Variants in PELP1 observed in about 807,000 individuals in gnomAD.
PELP1 encodes the protein proline-, glutamic acid- and leucine-rich protein 1.
PELP1 carries 32 observed loss-of-function variants against 95.5 expected under a neutral mutation model. That is an observed-to-expected ratio of 0.34 (90% CI 0.25 to 0.45). The LOEUF (loss-of-function observed/expected upper bound fraction) is 0.45, where lower values mean the gene tolerates loss of function less well. Among genes scored for constraint, PELP1 ranks in the 20% least tolerant of loss-of-function variants. The probability of loss-of-function intolerance (pLI) is 1.00; values close to 1 mark genes in which losing one functional copy is unlikely to be tolerated. For missense variants in PELP1, 1,358 were observed against 1,444.8 expected, an observed-to-expected ratio of 0.94 and a Z score of 0.97; for synonymous variants, 668 against 600.1, an observed-to-expected ratio of 1.11 and a Z score of -1.65.
Position 4,673,022 on chromosome 17 carries a change from G to A in PELP1, c.1969C>T (p.Pro657Ser). Residue 657 changes from proline to serine, a missense_variant, in exon 16 of 17, where the codon CCA (proline) becomes TCA (serine). Coordinates refer to ENST00000572293, the MANE Select transcript of PELP1 (RefSeq NM_014389.3). The surrounding 1 kb of genome is among the most constrained non-coding windows in gnomAD (Gnocchi z 5.7). Reference protein sequence around the residue: ...TPAPVPPPEAPSPFRAPPFHP... With the variant: ...TPAPVPPPEASSPFRAPPFHP... The stretch of plus-strand genomic sequence containing the variant: ...AACGGTGGGGCCCTGAAGGGCGATG[G>A]GGCCTCAGGAGGGGGAACTGGAGCA... The A allele has an allele frequency of 6.5e-7, 1 of 1,536,424 alleles. No individual in the cohort carries two copies. Among genetic ancestry groups the A allele is most frequent in the Non-Finnish European group, 8.7e-7 (1 of 1,144,718 alleles).
At chr17:4,684,547 T>C (rs1219991700) in intron 3 of PELP1, among the ~76,000 whole-genome samples, 1 of 152,180 alleles carries the variant, frequency 6.6e-6, no homozygotes, top group African/African-American at 2.4e-5. Flanking sequence ...GTGCTTTCAA[T>C]ACTATCTTCC....
At position 4,675,359 on chromosome 17, in the gene PELP1, A is replaced by G. The variant is rs1391832650; in HGVS notation, c.1072T>C (p.Leu358=). 2 of 1,519,392 alleles carry G rather than the reference A, an allele frequency of 1.3e-6. No homozygotes were observed. Among genetic ancestry groups the G allele is most frequent in the South Asian group, 2.4e-5 (2 of 83,450 alleles). The allele number at this position is 1,519,392 out of a possible 1,614,324, so 94.1% of individuals were successfully genotyped here. ...TLSVSSKNIS[L]HGDGPLRLLL... ...AGCCGCAGGGGACCATCTCCATGCA[A>G]GCTCTGGAGAAAAAAGGGGCAGAGA... Residue 358 remains leucine (L), a synonymous_variant, in exon 10 of 17, where the codon TTG becomes CTG. Transcript: ENST00000572293. The surrounding 1 kb of genome is among the most constrained non-coding windows in gnomAD (Gnocchi z 4.3).
At position 4,672,306 on chromosome 17, in the gene PELP1, T is replaced by TTCTTCC. The variant is rs1225130908; in HGVS notation, c.2679_2684dup (p.Glu907_Glu908dup). 1.1e-5 allele frequency: 17 copies of TTCTTCC among 1,538,822 alleles called. No homozygotes were observed. The highest frequency in any genetic ancestry group is 1.4e-5 in the Non-Finnish European group (16 of 1,136,984). The stretch of plus-strand genomic sequence containing the variant: ...CTTCTTCCTCTTCTTCTTCTTCCTC[T>TTCTTCC]TCTTCCTCTTCCTCCTCCTCTTCAT... On this transcript the variant is annotated inframe_insertion, in exon 16 of 17. Transcript: ENST00000572293.
intron 5 of PELP1, among the ~76,000 whole-genome samples, chr17:4,677,667 G>C (rs897181691): frequency 6.6e-6 from 1 of 152,156 alleles, no homozygotes; most frequent in African/African-American, 2.4e-5. Context: ...AGTAGCTCAC[G>C]CCTGTAATCC....
rs184886559 is a variant in PELP1, at chr17:4,671,587, A to G, written c.3301-56T>C. 1.4e-5 allele frequency: 23 copies of G among 1,609,592 alleles called. No homozygotes were observed. In the Admixed American group the frequency reaches 3.4e-4, roughly 24 times the overall value. ...TAGTCACACACACATACACAGAAGA[A>G]TGGTTCAGGCTGGGCAAACCTCTCC... On this transcript the variant is annotated intron_variant, in intron 16 of 16. Transcript: ENST00000572293.
At position 4,671,840 on chromosome 17, in the gene PELP1, G is replaced by C. The variant is rs751105189; in HGVS notation, c.3151C>G (p.Gln1051Glu). ...GESPAAGPPP[Q>E]ELVEEEPSAP... ...GAGGGCTCTTCTTCAACAAGCTCCT[G>C]GGGAGGGGGCCCTGCCGCAGGGCTT... Residue 1051 changes from glutamine to glutamate, a missense_variant, in exon 16 of 17, where the codon CAG (glutamine) becomes GAG (glutamate). By Grantham distance (29) the Gln-to-Glu change is conservative (BLOSUM62 2). This residue lies in a region of PELP1 where 283 missense variants were observed against 284.1 expected (regional missense o/e 1.00). Coordinates refer to ENST00000572293, the MANE Select transcript of PELP1 (RefSeq NM_014389.3). 4.6e-6 allele frequency: 7 copies of C among 1,513,158 alleles called. No individual in the cohort carries two copies. The highest frequency in any genetic ancestry group is 6.2e-6 in the Non-Finnish European group (7 of 1,135,150). 93.7% of individuals were successfully genotyped at this position (1,513,158 alleles called of 1,614,324 possible).
chr17:4,683,426 T>C (rs1476694307), intron 3 of PELP1, among the ~76,000 whole-genome samples: 24 of 151,624 alleles, frequency 1.6e-4, no homozygotes, highest in Admixed American at 5.2e-4. Flanking sequence ...TTCACTATGT[T>C]AGCCAGGATG....
At chr17:4,700,992 T>TAAA (rs34278447) in intron 1 of PELP1, among the ~76,000 whole-genome samples, 26 of 29,434 alleles carry the variant, frequency 8.8e-4, no homozygotes, top group Non-Finnish European at 1.1e-3. Context: ...AAAGTTCCAC[T>TAAA]AAAAAAAAAA....
Position 4,672,540 on chromosome 17 carries a change from T to C in PELP1, c.2451A>G (p.Pro817=), listed in dbSNP as rs761196966. Residue 817 remains proline (P), a synonymous_variant, in exon 16 of 17, where the codon CCA becomes CCG. Transcript: ENST00000572293. Reference sequence around the variant, plus strand: ...TCGCTGGCACAGGAGGGGAGGCTGTTGGTGGCCCAGTGGGGGCTATAGGGG... The same window carrying C: ...TCGCTGGCACAGGAGGGGAGGCTGTCGGTGGCCCAGTGGGGGCTATAGGGG... The part of the protein sequence containing the change: ...TPPPIAPTGP[P]TASPPVPAKE... The C allele has an allele frequency of 2.6e-5, 31 of 1,189,376 alleles. No homozygotes were observed. The highest frequency in any genetic ancestry group is 3.2e-5 in the Non-Finnish European group (30 of 938,402). 73.7% of individuals were successfully genotyped at this position (1,189,376 alleles called of 1,614,324 possible). A position where few individuals can be genotyped will look rare whatever the true frequency, so the allele number is the denominator to read the frequency against.
chr17:4,693,795 G>T (rs1420642969), intron 1 of PELP1, among the ~76,000 whole-genome samples: 1 of 152,150 alleles, frequency 6.6e-6, no homozygotes, highest in Non-Finnish European at 1.5e-5. Flanking sequence ...CTTATTTCTG[G>T]AATTTTCCAC....
intron 1 of PELP1, among the ~76,000 whole-genome samples, chr17:4,703,166 C>A (rs967533006): frequency 2.0e-5 from 3 of 152,182 alleles, no homozygotes; most frequent in Non-Finnish European, 2.9e-5. Flanking sequence ...TCTCACCAGT[C>A]TCATCTGTAC....
chr17:4,685,806 CA>C (rs1360105069), intron 3 of PELP1, among the ~76,000 whole-genome samples: 2 of 26,048 alleles, frequency 7.7e-5, no homozygotes, highest in Non-Finnish European at 1.9e-4. Flanking sequence ...AAAAAAAGAA[CA>C]AAAAAAGGGC....
At chr17:4,693,763 G>A (rs541293103) in intron 1 of PELP1, among the ~76,000 whole-genome samples, 8 of 152,276 alleles carry the variant, frequency 5.3e-5, no homozygotes, top group South Asian at 2.1e-4. Flanking sequence ...AGAATGGCAC[G>A]TAATTTAAAA....
At chr17:4,683,296 C>T (rs1455150019) in intron 3 of PELP1, among the ~76,000 whole-genome samples, 2 of 151,320 alleles carry the variant, frequency 1.3e-5, no homozygotes, top group Non-Finnish European at 2.9e-5. Flanking sequence ...TCTCGGCTCA[C>T]TGCAAGCTCC....
intron 1 of PELP1, among the ~76,000 whole-genome samples, chr17:4,701,498 G>A (rs575431990): frequency 1.6e-4 from 24 of 152,336 alleles, no homozygotes; most frequent in African/African-American, 5.5e-4. Flanking sequence ...CAGAGGGCAA[G>A]ACTGAAGGTA....
chr17:4,703,922 G>C lies in PELP1; in HGVS notation c.190C>G (p.Pro64Ala). 1 of 1,613,544 alleles carries C rather than the reference G, an allele frequency of 6.2e-7. No individual in the cohort carries two copies. The highest frequency in any genetic ancestry group is 1.1e-5 in the South Asian group (1 of 91,086). The change falls in exon 1 of 17, where the codon CCA (proline) becomes GCA (alanine). Residue 64 changes from proline to alanine, a missense_variant. This residue lies in a region of PELP1 where 169 missense variants were observed against 134.9 expected (regional missense o/e 1.25). Transcript: ENST00000572293. ...APVHPPNRSAPHLPGLMCLLR... is the reference protein window; with the variant it reads ...APVHPPNRSAAHLPGLMCLLR... The stretch of plus-strand genomic sequence containing the variant: ...AGGCACATGAGCCCGGGCAAATGTG[G>C]GGCCGAGCGGTTTGGGGGATGCACC...
At chr17:4,688,264 G>A (rs1912975402) in intron 3 of PELP1, among the ~76,000 whole-genome samples, 1 of 152,098 alleles carries the variant, frequency 6.6e-6, no homozygotes, top group Non-Finnish European at 1.5e-5. Context: ...GAACCCAGGA[G>A]GCGGAGGGTG....
At chr17:4,699,897 A>ATTTGT (rs1913450423) in intron 1 of PELP1, among the ~76,000 whole-genome samples, 1 of 86,740 alleles carries the variant, frequency 1.2e-5, no homozygotes, top group African/African-American at 4.7e-5. Flanking sequence ...CTAGAGGGTG[A>ATTTGT]TTTTTTTTTT....
chr17:4,677,438 G>T (rs1912526831), intron 5 of PELP1, among the ~76,000 whole-genome samples: 1 of 152,212 alleles, frequency 6.6e-6, no homozygotes, highest in Admixed American at 6.5e-5. Context: ...TTTGTAAAAT[G>T]TAGTGTTTCC....
Sources: gnomAD v4.1 joint callset for allele counts (sites outside exome capture counted in the v4.1 genomes callset) on GRCh38, gnomAD v4.1.1 for gene constraint, gnomAD v4.1.1 regional missense constraint, Gnocchi (gnomAD v3.1) non-coding constraint, MANE v1.5 for transcripts, NCBI Gene and HGNC (gene_info 2026-07-23, HGNC 2026-07-21) for gene names.